Variants in L2HGDH observed in about 807,000 individuals in gnomAD.
L2HGDH encodes the protein L-2-hydroxyglutarate dehydrogenase, also known as L-2-hydroxyglutarate dehydrogenase, mitochondrial.
L2HGDH carries 34 observed loss-of-function variants against 51.5 expected under a neutral mutation model. That is an observed-to-expected ratio of 0.66 (90% CI 0.50 to 0.88). The LOEUF (loss-of-function observed/expected upper bound fraction) is 0.88, where lower values mean the gene tolerates loss of function less well. L2HGDH is among the 40% of genes least tolerant of loss of function. L2HGDH has a pLI of 0.00. For synonymous variants in L2HGDH, 198 were observed against 197.9 expected (o/e 1.00, Z -0.01); for missense variants, 558 against 571.9 (o/e 0.98, Z 0.25).
In L2HGDH at chr14:50,284,053, A is replaced by C; in HGVS notation, c.541-20T>G. ...TAGACCCTGAAACAGAATTATGAAA[A>C]GATAACAGATAAGAGAAATAATACT... On this transcript the variant is annotated intron_variant, in intron 4 of 9. Coordinates refer to ENST00000267436, the MANE Select transcript of L2HGDH (RefSeq NM_024884.3). 3.1e-6 allele frequency: 5 copies of C among 1,604,820 alleles called. No individual in the cohort carries two copies. Among genetic ancestry groups the C allele is most frequent in the South Asian group, 1.1e-5 (1 of 90,874 alleles).
At chr14:50,259,058 T>C (rs1202503504) in intron 9 of L2HGDH, among the ~76,000 whole-genome samples, 1 of 149,804 alleles carries the variant, frequency 6.7e-6, no homozygotes, top group Non-Finnish European at 1.5e-5. Flanking sequence ...AGGTCTCATA[T>C]TGCCCAGAAT....
Position 50,311,900 on chromosome 14 carries a change from A to G in L2HGDH, c.140+111T>C, listed in dbSNP as rs868696722. 5.6e-5 allele frequency: 81 copies of G among 1,446,838 alleles called. No individual in the cohort carries two copies. In the African/African-American group the frequency reaches 9.5e-4, roughly 17 times the overall value. 89.6% of individuals were successfully genotyped at this position (1,446,838 alleles called of 1,614,324 possible). On this transcript the variant is annotated intron_variant, in intron 1 of 9. Transcript: ENST00000267436. ...GAGGTTGGAGTGCCACAGGACCCCA[A>G]CCTGCTCTCACCCCGGGACAGGGAA... is the stretch of plus-strand genomic sequence containing the variant.
chr14:50,247,501 C>T (rs1421989396), intron 9 of L2HGDH, among the ~76,000 whole-genome samples: 1 of 152,056 alleles, frequency 6.6e-6, no homozygotes, highest in East Asian at 1.9e-4. Context: ...TACATAAAAA[C>T]AAGTAAGTTA....
intron 9 of L2HGDH, among the ~76,000 whole-genome samples, chr14:50,260,627 ATATG>A (rs1034579150): frequency 1.3e-4 from 20 of 152,182 alleles, no homozygotes; most frequent in African/African-American, 4.8e-4. Flanking sequence ...ACTCTCAGCT[ATATG>A]TATTTCAAGG....
rs908661499 is a variant in L2HGDH at position 50,293,275 on chromosome 14, A to G, written c.540+840T>C. ...TTTTTTGATAAGTGATGCTGACACAACTGGATATCTGTTTGGGGAAAAAAT... is the reference window on the plus strand; with the variant it reads ...TTTTTTGATAAGTGATGCTGACACAGCTGGATATCTGTTTGGGGAAAAAAT... On this transcript the variant is annotated intron_variant, in intron 4 of 9. Transcript: ENST00000267436. 4.3e-6 allele frequency: 3 copies of G among 702,186 alleles called. No individual in the cohort carries two copies. In the African/African-American group the frequency reaches 5.2e-5, roughly 12 times the overall value. The allele number at this position is 702,186 out of a possible 1,614,324, so 43.5% of individuals were successfully genotyped here.
rs140348552 is a variant in L2HGDH, at chr14:50,298,086, A to G, written c.409-3840T>C. Among the ~76,000 whole-genome samples, 1,108 of 152,172 alleles carry G rather than the reference A, an allele frequency of 7.3e-3. 4 individuals are homozygous for G. Among genetic ancestry groups the G allele is most frequent in the Non-Finnish European group, 0.012 (822 of 67,988 alleles). ...TAGTGAAACCACATCTCTACTAAAA[A>G]TACAAAAATTAGCCAGGCATGGTGG... On this transcript the variant is annotated intron_variant, in intron 3 of 9. Coordinates refer to ENST00000267436, the MANE Select transcript of L2HGDH (RefSeq NM_024884.3).
At chr14:50,267,980 T>C (rs878890622) in intron 7 of L2HGDH, 70 bp from the exon 8 acceptor site, 1 of 1,415,994 alleles carries the variant, frequency 7.1e-7, no homozygotes, top group South Asian at 1.2e-5. Flanking sequence ...AAACATTCAA[T>C]TGGTAACATA....
Position 50,301,580 on chromosome 14 carries a change from A to G in L2HGDH, c.408+437T>C, listed in dbSNP as rs192237136. 2.0e-5 allele frequency among the ~76,000 whole-genome samples: 3 copies of G among 152,360 alleles called. No homozygotes were observed. In the East Asian group the frequency reaches 5.8e-4, roughly 29 times the overall value. Reference sequence around the variant, plus strand: ...AGAAGCCAGTCACAAAAGACTACATAGTATATGAATCTATTTATATGAAAA... The same window carrying G: ...AGAAGCCAGTCACAAAAGACTACATGGTATATGAATCTATTTATATGAAAA... On this transcript the variant is annotated intron_variant, in intron 3 of 9. Coordinates refer to ENST00000267436, the MANE Select transcript of L2HGDH (RefSeq NM_024884.3).
At chr14:50,296,372 CAA>C (rs59868876) in intron 3 of L2HGDH, among the ~76,000 whole-genome samples, 96 of 31,434 alleles carry the variant, frequency 3.1e-3, no homozygotes, top group African/African-American at 0.011. Flanking sequence ...GACCCTGTCT[CAA>C]AAAAAAAAAA....
At chr14:50,298,205 T>C (rs929876765) in intron 3 of L2HGDH, among the ~76,000 whole-genome samples, 127 of 150,318 alleles carry the variant, frequency 8.4e-4, no homozygotes, top group African/African-American at 3.0e-3. Flanking sequence ...GATGGCACCA[T>C]TGCACTCCAG....
At position 50,288,010 on chromosome 14, in the gene L2HGDH, T is replaced by C. The variant is rs934437246; in HGVS notation, c.541-3977A>G. Among the ~76,000 whole-genome samples the C allele has an allele frequency of 3.9e-5, 6 of 152,170 alleles. No individual in the cohort carries two copies. The South Asian group carries it at 8.3e-4, about 21-fold the overall frequency. The stretch of plus-strand genomic sequence containing the variant: ...ACCATGCCCAGCCAATAGTTGTATA[T>C]ATTTATGGAACACAGTGATATTTCA... On this transcript the variant is annotated intron_variant, in intron 4 of 9. Transcript: ENST00000267436.
At chr14:50,262,241 G>T (rs989163287) in intron 9 of L2HGDH, among the ~76,000 whole-genome samples, 1 of 151,966 alleles carries the variant, frequency 6.6e-6, no homozygotes, top group African/African-American at 2.4e-5. Context: ...AGACCATCCT[G>T]GCTCTCTATG....
chr14:50,246,833 C>T lies in L2HGDH; in HGVS notation c.*225G>A, dbSNP rs1888031239. On this transcript the variant is annotated 3_prime_UTR_variant, in exon 10 of 10. Transcript: ENST00000267436. ...CGTCTGCTCGGTTCAATTGATTCTC[C>T]TGCCTCAGCCTCCTGAGTAGCTGAG... The T allele has an allele frequency of 1.6e-6, 1 of 620,198 alleles. No homozygotes were observed. The highest frequency in any genetic ancestry group is 2.2e-5 in the South Asian group (1 of 44,668). 38.4% of individuals were successfully genotyped at this position (620,198 alleles called of 1,614,324 possible).
chr14:50,301,040 G>A (rs889774937), intron 3 of L2HGDH, among the ~76,000 whole-genome samples: 2 of 151,914 alleles, frequency 1.3e-5, no homozygotes, highest in African/African-American at 4.8e-5. Flanking sequence ...TGCCCGAGCT[G>A]GTCTCAAACC....
chr14:50,275,745 A>G (rs572859540), intron 6 of L2HGDH, among the ~76,000 whole-genome samples: 1 of 152,294 alleles, frequency 6.6e-6, no homozygotes, highest in East Asian at 1.9e-4. Context: ...ATCAGTGACT[A>G]ATATATGGTA....
intron 4 of L2HGDH, among the ~76,000 whole-genome samples, chr14:50,291,952 G>A (rs770769470): frequency 3.3e-5 from 5 of 152,206 alleles, no homozygotes; most frequent in Admixed American, 6.5e-5. Flanking sequence ...ACCAATACAC[G>A]AATTTAACTA....
chr14:50,291,197 C>CAAAAAAAAAAA (rs1159640500), intron 4 of L2HGDH, among the ~76,000 whole-genome samples: 14 of 30,630 alleles, frequency 4.6e-4, no homozygotes, highest in South Asian at 3.1e-3. Flanking sequence ...GACTCCGTCT[C>CAAAAAAAAAAA]AAAAAAAAAA....
chr14:50,288,075 T>TAGTA (rs1364566015), intron 4 of L2HGDH, among the ~76,000 whole-genome samples: 1 of 152,182 alleles, frequency 6.6e-6, no homozygotes, highest in Non-Finnish European at 1.5e-5. Flanking sequence ...TCAGGGTAAT[T>TAGTA]AGTATATCAA....
At position 50,294,129 on chromosome 14, in the gene L2HGDH, CCTT is replaced by C. The variant is rs2029895472; in HGVS notation, c.523_525del (p.Lys175del). 2 of 1,613,828 alleles carry C rather than the reference CCTT, an allele frequency of 1.2e-6. No homozygotes were observed. The highest frequency in any genetic ancestry group is 1.7e-6 in the Non-Finnish European group (2 of 1,179,918). ...TAATCACTTACCCTACAATATGGCT[CCTT>C]CTTTTTTATATCCTCCTGCTGGATC... On this transcript the variant is annotated inframe_deletion, in exon 4 of 10. Transcript: ENST00000267436.
Sources: allele counts gnomAD v4.1 joint callset (sites outside exome capture counted in the v4.1 genomes callset), GRCh38; gene constraint gnomAD v4.1.1; transcripts MANE v1.5; gene names NCBI Gene and HGNC (gene_info 2026-07-23, HGNC 2026-07-21).